The following BMPR2 variants were observed in gnomAD, a reference collection of about 807,000 sequenced individuals.
The protein encoded by BMPR2 is bone morphogenetic protein receptor type-2.
In BMPR2, 29 loss-of-function variants were observed where a neutral mutation model predicts 100.8. The ratio of observed to expected loss-of-function variants is 0.29; its 90% CI spans 0.21 to 0.39. The LOEUF is 0.39. BMPR2 is among the 10% of genes least tolerant of loss of function. BMPR2 has a pLI of 1.00. For missense variants in BMPR2, 1,011 were observed against 1,274.5 expected, an observed-to-expected ratio of 0.79 and a Z score of 3.15; for synonymous variants, 382 against 442.3, an observed-to-expected ratio of 0.86 and a Z score of 1.71.
chr2:202,530,672 T>C (rs1329900404), intron 7 of BMPR2, 122 bp from the exon 8 acceptor site: 18 of 673,258 alleles, frequency 2.7e-5, no homozygotes, highest in Non-Finnish European at 3.9e-5. Context: ...CCGATTTCTC[T>C]TTTTTTGTTA....
chr2:202,482,086 C>T (rs1431482661), intron 3 of BMPR2, among the ~76,000 whole-genome samples: 1 of 152,294 alleles, frequency 6.6e-6, no homozygotes, highest in East Asian at 1.9e-4. Context: ...TCATATTTGT[C>T]TTTTTGCAAC....
At chr2:202,424,348 T>C (rs1256431531) in intron 1 of BMPR2, among the ~76,000 whole-genome samples, 1 of 151,146 alleles carries the variant, frequency 6.6e-6, no homozygotes, top group Non-Finnish European at 1.5e-5. Flanking sequence ...CACTTCAGCC[T>C]GGGCGACAGA....
chr2:202,543,170 CTG>C (rs1344947167), intron 10 of BMPR2, among the ~76,000 whole-genome samples: 1 of 105,228 alleles, frequency 9.5e-6, no homozygotes, highest in Non-Finnish European at 1.9e-5. Context: ...GAGCGAGACT[CTG>C]TCTCAAAAAA....
chr2:202,505,211 T>C (rs890197026), intron 3 of BMPR2: 1 of 152,656 alleles, frequency 6.6e-6, no homozygotes, highest in African/African-American at 2.4e-5. Flanking sequence ...CCTCAGACAC[T>C]GGAAGAAAAT....
rs1160076597 is a variant in BMPR2 at position 202,534,716 on chromosome 2, G to A, written c.1276+1984G>A. Among the ~76,000 whole-genome samples, 11 of 151,870 alleles carry A rather than the reference G, an allele frequency of 7.2e-5. No individual in the cohort carries two copies. The East Asian group carries it at 2.1e-3, about 29-fold the overall frequency. ...TCTCAATCTTTTCCCCACCTTTCCC[G>A]CCTTTCTATTCCACAAAGCCGCCAT... On this transcript the variant is annotated intron_variant, in intron 9 of 12. Coordinates refer to ENST00000374580, the MANE Select transcript of BMPR2 (RefSeq NM_001204.7).
intron 1 of BMPR2, among the ~76,000 whole-genome samples, chr2:202,410,033 G>T (rs1473098003): frequency 3.3e-5 from 5 of 151,526 alleles, no homozygotes; most frequent in Non-Finnish European, 7.4e-5. Context: ...CGCCCAGGCT[G>T]GAGTGCAGTG....
At chr2:202,450,707 A>G (rs1238674254) in intron 1 of BMPR2, among the ~76,000 whole-genome samples, 1 of 151,976 alleles carries the variant, frequency 6.6e-6, no homozygotes, top group Non-Finnish European at 1.5e-5. Flanking sequence ...AAAAAAAAAA[A>G]AAAAAGATTT....
intron 1 of BMPR2, among the ~76,000 whole-genome samples, chr2:202,380,805 G>A (rs1214752496): frequency 2.0e-5 from 3 of 151,246 alleles, no homozygotes; most frequent in Admixed American, 6.6e-5. Context: ...TGTTAGTAGA[G>A]ACAGGGTTTC....
chr2:202,472,209 C>T (rs1041308494), intron 3 of BMPR2, among the ~76,000 whole-genome samples: 1 of 152,166 alleles, frequency 6.6e-6, no homozygotes, highest in Non-Finnish European at 1.5e-5. Context: ...TGATGAAGCA[C>T]TAAACTGAAA....
intron 1 of BMPR2, among the ~76,000 whole-genome samples, chr2:202,377,880 G>A (rs1471711781): frequency 6.0e-4 from 92 of 152,338 alleles, no homozygotes; most frequent in Non-Finnish European, 2.9e-5. Flanking sequence ...CCAGTGAACA[G>A]TGCTTATTAT....
intron 1 of BMPR2, among the ~76,000 whole-genome samples, chr2:202,411,630 C>T (rs771694763): frequency 6.6e-6 from 1 of 152,068 alleles, no homozygotes; most frequent in African/African-American, 2.4e-5. Context: ...CTGTTGGAGT[C>T]TAGTGTAGAA....
intron 5 of BMPR2, among the ~76,000 whole-genome samples, chr2:202,517,620 G>A (rs1687737713): frequency 6.6e-6 from 1 of 152,034 alleles, no homozygotes; most frequent in Non-Finnish European, 1.5e-5. Context: ...AAAGTGCTGG[G>A]ATTACAGGCG....
chr2:202,440,021 G>C (rs1254522251), intron 1 of BMPR2, among the ~76,000 whole-genome samples: 3 of 150,370 alleles, frequency 2.0e-5, no homozygotes, highest in Admixed American at 6.6e-5. Context: ...ATGTTTCAGA[G>C]AGCAGCGGGT....
intron 1 of BMPR2, among the ~76,000 whole-genome samples, chr2:202,452,459 G>A (rs1692009211): frequency 6.6e-6 from 1 of 152,036 alleles, no homozygotes; most frequent in Non-Finnish European, 1.5e-5. Flanking sequence ...TCATTTTCCT[G>A]TTTTGTTTTT....
chr2:202,460,015 G>C (rs531702471), intron 1 of BMPR2, among the ~76,000 whole-genome samples: 1 of 152,266 alleles, frequency 6.6e-6, no homozygotes, highest in African/African-American at 2.4e-5. Flanking sequence ...AAACGGCTCA[G>C]TATCACTGAT....
At chr2:202,443,042 A>G (rs1574451876) in intron 1 of BMPR2, among the ~76,000 whole-genome samples, 2 of 150,666 alleles carry the variant, frequency 1.3e-5, no homozygotes, top group East Asian at 1.9e-4. Context: ...GCCTAATCCA[A>G]TAGGGCTGGT....
At chr2:202,438,506 G>A (rs1200139917) in intron 1 of BMPR2, among the ~76,000 whole-genome samples, 1 of 149,592 alleles carries the variant, frequency 6.7e-6, no homozygotes, top group Non-Finnish European at 1.5e-5. Flanking sequence ...GTGCTTTTTG[G>A]TATCACAGCT....
At chr2:202,426,938 A>T (rs956099387) in intron 1 of BMPR2, among the ~76,000 whole-genome samples, 1 of 152,210 alleles carries the variant, frequency 6.6e-6, no homozygotes, top group African/African-American at 2.4e-5. Context: ...GGATTATAAG[A>T]GGATGTTGAG....
At chr2:202,444,993 G>T (rs1236963064) in intron 1 of BMPR2, among the ~76,000 whole-genome samples, 4 of 150,034 alleles carry the variant, frequency 2.7e-5, no homozygotes, top group Non-Finnish European at 5.9e-5. Flanking sequence ...TCACCATATT[G>T]GTCAGGCTGG....
Sources: allele counts gnomAD v4.1 joint callset (sites outside exome capture counted in the v4.1 genomes callset), GRCh38; gene constraint gnomAD v4.1.1; transcripts MANE v1.5; gene names NCBI Gene and HGNC (gene_info 2026-07-23, HGNC 2026-07-21).